The following TMPRSS9 variants were observed in gnomAD, a reference collection of about 807,000 sequenced individuals.
TMPRSS9 encodes transmembrane protease serine 9.
Under a neutral mutation model 111.4 loss-of-function variants are expected in TMPRSS9, and 113 were observed. The observed-to-expected ratio is 1.01, with a 90% CI of 0.87 to 1.19. The LOEUF is 1.19. Ranked by LOEUF, TMPRSS9 falls within the 50% of genes most tolerant of loss-of-function variation. TMPRSS9 has a pLI of 0.00. For missense variants in TMPRSS9, 1,803 were observed against 1,513.1 expected, an observed-to-expected ratio of 1.19 and a Z score of -3.18; for synonymous variants, 805 against 659.1, an observed-to-expected ratio of 1.22 and a Z score of -3.39.
chr19:2,400,466 C>T (rs1014810286), intron 4 of TMPRSS9, among the ~76,000 whole-genome samples: 1 of 151,524 alleles, frequency 6.6e-6, no homozygotes, highest in East Asian at 2.0e-4. Flanking sequence ...TGCTGGAACC[C>T]AGGAGGCGGA....
At chr19:2,409,024 AATAATAATGATG>A (rs1224090987) in intron 8 of TMPRSS9, among the ~76,000 whole-genome samples, 19 of 144,216 alleles carry the variant, frequency 1.3e-4, no homozygotes, top group African/African-American at 3.6e-4. Context: ...TAATAATAAT[AATAATAATGATG>A]ATGCAGAAAA....
At chr19:2,377,283 ATGTATGTATATATGTATG>A (rs1970344179) in intron 1 of TMPRSS9, among the ~76,000 whole-genome samples, 1 of 117,324 alleles carries the variant, frequency 8.5e-6, no homozygotes, top group Non-Finnish European at 1.6e-5. Flanking sequence ...GTATGTATGT[ATGTATGTATATATGTATG>A]TATGTATGTA....
chr19:2,372,290 ACTTTT>A lies in TMPRSS9; in HGVS notation c.-26+11936_-26+11940del, dbSNP rs1249518814. Among the ~76,000 whole-genome samples, 5 of 150,750 alleles carry A rather than the reference ACTTTT, an allele frequency of 3.3e-5. No homozygotes were observed. In the East Asian group the frequency reaches 7.8e-4, roughly 23 times the overall value. ...GATCTCTTTGGTTTTACAGCTACAC[ACTTTT>A]CTTTTTGGTTTGCCTGGGGGCATTC... On this transcript the variant is annotated intron_variant, in intron 1 of 17. Coordinates refer to the TMPRSS9 transcript ENST00000649857.
At chr19:2,390,256 T>C (rs1010730460) in intron 1 of TMPRSS9, among the ~76,000 whole-genome samples, 1 of 119,730 alleles carries the variant, frequency 8.4e-6, no homozygotes, top group East Asian at 2.2e-4. Flanking sequence ...TTTTTTTTTT[T>C]TTGAGACGGA....
At chr19:2,408,279 C>T (rs2145349755) in intron 7 of TMPRSS9, 77 bp from the exon 9 acceptor site, 2 of 1,477,962 alleles carry the variant, frequency 1.4e-6, no homozygotes, top group East Asian at 4.6e-5. Flanking sequence ...CATTTTGCAC[C>T]CAAGGCGAGT....
intron 12 of TMPRSS9, among the ~76,000 whole-genome samples, chr19:2,417,466 CAAA>C (rs61320761): frequency 6.5e-5 from 7 of 106,946 alleles, no homozygotes; most frequent in Admixed American, 3.0e-4. Context: ...ACTCCCATCT[CAAA>C]AAAAAAAAAA....
intron 10 of TMPRSS9, chr19:2,414,289 G>A (rs991189075): frequency 3.6e-5 from 11 of 305,324 alleles, no homozygotes; most frequent in Admixed American, 2.7e-4. Context: ...GCCCAGGCTG[G>A]AGTGCAGTGG....
At chr19:2,404,952 A>G (rs1236812093) in intron 6 of TMPRSS9, among the ~76,000 whole-genome samples, 1 of 151,406 alleles carries the variant, frequency 6.6e-6, no homozygotes, top group African/African-American at 2.4e-5. Flanking sequence ...AAAAAAAATC[A>G]AAGACTAAAC....
At chr19:2,417,695 T>C (rs1971281590) in intron 12 of TMPRSS9, among the ~76,000 whole-genome samples, 1 of 152,110 alleles carries the variant, frequency 6.6e-6, no homozygotes. Context: ...TGCGCTAGTC[T>C]ATCCCGAGAC....
chr19:2,363,019 G>A (rs1210444468), intron 1 of TMPRSS9, among the ~76,000 whole-genome samples: 2 of 152,152 alleles, frequency 1.3e-5, no homozygotes, highest in Admixed American at 6.5e-5. Flanking sequence ...TGGGGATCAG[G>A]GTCCCAGCGC....
At chr19:2,389,127 G>A (rs1400994570), upstream of TMPRSS9, among the ~76,000 whole-genome samples, 5 of 149,218 alleles carry the variant, frequency 3.4e-5, no homozygotes, top group Non-Finnish European at 7.4e-5. Flanking sequence ...AGGCTGGAGT[G>A]CAGTGGCGTG....
chr19:2,417,166 T>C (rs1301837655), intron 12 of TMPRSS9, among the ~76,000 whole-genome samples: 3 of 152,156 alleles, frequency 2.0e-5, no homozygotes, highest in Non-Finnish European at 4.4e-5. Flanking sequence ...TGACCATTTA[T>C]AGAAAATGTT....
intron 1 of TMPRSS9, among the ~76,000 whole-genome samples, chr19:2,390,231 G>GTTTTTTTTTTTTTTTTTTTTTTTTTTT: frequency 9.0e-6 from 1 of 110,570 alleles, no homozygotes; most frequent in Non-Finnish European, 1.9e-5. Flanking sequence ...ACCCAAAGTA[G>GTTTTTTTTTTTTTTTTTTTTTTTTTTT]TTTTTTTTTT....
In TMPRSS9 at chr19:2,425,085, G is replaced by C. The variant is rs764178818; in HGVS notation, c.2801G>C (p.Arg934Pro). 1.2e-5 allele frequency: 19 copies of C among 1,578,884 alleles called. No individual in the cohort carries two copies. The highest frequency in any genetic ancestry group is 5.4e-5 in the African/African-American group (4 of 74,146). Residue 934 changes from arginine to proline, a missense_variant, in exon 16 of 18, where the codon CGC becomes CCC. Coordinates refer to ENST00000648592, the Ensembl canonical transcript of TMPRSS9. ...GAGGGGCAGCTGGAGCGCGTGGCGC[G>C]CATCTACAAGCACCCGTTCTACAAT...
exon 12 of TMPRSS9, chr19:2,416,555 T>C (rs758326525): frequency 1.2e-6 from 2 of 1,609,634 alleles, no homozygotes; most frequent in Non-Finnish European, 8.5e-7. Context: ...GTGGAGCAGG[T>C]TCGGGCCCAC....
intron 1 of TMPRSS9, among the ~76,000 whole-genome samples, chr19:2,362,035 G>A (rs1242824738): frequency 6.6e-6 from 1 of 152,028 alleles, no homozygotes; most frequent in Non-Finnish European, 1.5e-5. Context: ...GGTTGTGTGT[G>A]GCAATATATA....
At chr19:2,395,396 G>C (rs912714376) in intron 1 of TMPRSS9, among the ~76,000 whole-genome samples, 2 of 152,032 alleles carry the variant, frequency 1.3e-5, no homozygotes, top group African/African-American at 4.8e-5. Context: ...AAACACCACT[G>C]CACTCCAGCC....
At chr19:2,365,655 C>T (rs1165406879) in intron 1 of TMPRSS9, among the ~76,000 whole-genome samples, 1 of 152,054 alleles carries the variant, frequency 6.6e-6, no homozygotes, top group East Asian at 1.9e-4. Flanking sequence ...GACAGGTGGG[C>T]AAGACAGCTA....
At chr19:2,416,318 CCT>C (rs1437028661) in intron 11 of TMPRSS9, 2 of 607,648 alleles carry the variant, frequency 3.3e-6, no homozygotes, top group Middle Eastern at 4.5e-4. Context: ...CTGAGGGTCC[CCT>C]GACTTGTCCG....
Sources: gnomAD v4.1 joint callset for allele counts (sites outside exome capture counted in the v4.1 genomes callset) on GRCh38, gnomAD v4.1.1 for gene constraint, MANE v1.5 for transcripts, NCBI Gene and HGNC (gene_info 2026-07-23, HGNC 2026-07-21) for gene names.